The following MALRD1 variants were observed in gnomAD, a reference collection of about 807,000 sequenced individuals.
MALRD1 encodes MAM and LDL-receptor class A domain-containing protein 1.
In MALRD1, 247 loss-of-function variants were observed where a neutral mutation model predicts 242.1. The ratio of observed to expected loss-of-function variants is 1.02; its 90% confidence interval spans 0.92 to 1.13. The LOEUF is 1.13. Ranked by LOEUF, MALRD1 falls within the 50% of genes most tolerant of loss-of-function variation. The probability of loss-of-function intolerance (pLI) is 0.00; values close to 1 mark genes in which losing one functional copy is unlikely to be tolerated. For missense variants in MALRD1, 2,989 were observed against 2,533.1 expected (o/e 1.18, Z -3.86); for synonymous variants, 995 against 866.6 (o/e 1.15, Z -2.60).
intron 19 of MALRD1, among the ~76,000 whole-genome samples, chr10:19,263,085 A>G (rs369755633): frequency 1.1e-4 from 16 of 152,202 alleles, no homozygotes; most frequent in African/African-American, 3.6e-4. Flanking sequence ...TCATGCTGCA[A>G]TGAACATGGG....
In MALRD1 at chr10:19,488,622, G is replaced by C. The variant is rs75652211; in HGVS notation, c.5030-2895G>C. On this transcript the variant is annotated intron_variant, in intron 29 of 39. Coordinates refer to ENST00000454679, the MANE Select transcript of MALRD1 (RefSeq NM_001142308.3). ...CTGTGAATGCATGAAAAAACGAAGAGCAAGGGACAGATTTGTGAAACCTTC... is the reference window on the plus strand; with the variant it reads ...CTGTGAATGCATGAAAAAACGAAGACCAAGGGACAGATTTGTGAAACCTTC... 5.8e-4 allele frequency: 91 copies of C among 156,446 alleles called. 1 individual carries two copies. The highest frequency in any genetic ancestry group is 1.1e-3 in the Non-Finnish European group (75 of 70,474). 9.7% of individuals were successfully genotyped at this position (156,446 alleles called of 1,614,324 possible).
chr10:19,227,702 T>A (rs1302416507), intron 18 of MALRD1, among the ~76,000 whole-genome samples: 1 of 152,096 alleles, frequency 6.6e-6, no homozygotes, highest in Admixed American at 6.6e-5. Flanking sequence ...ATTTTAAATA[T>A]GTCTGATAAA....
At chr10:19,643,360 C>T (rs1052459770) in intron 36 of MALRD1, among the ~76,000 whole-genome samples, 11 of 152,050 alleles carry the variant, frequency 7.2e-5, no homozygotes, top group South Asian at 4.2e-4. Flanking sequence ...GCAGTAGAAT[C>T]GCTTGAACCT....
intron 29 of MALRD1, among the ~76,000 whole-genome samples, chr10:19,490,909 T>C (rs1022602419): frequency 6.6e-6 from 1 of 152,128 alleles, no homozygotes; most frequent in African/African-American, 2.4e-5. Context: ...TAATTATGTG[T>C]ATAAAAAAGG....
intron 32 of MALRD1, among the ~76,000 whole-genome samples, chr10:19,538,303 T>G (rs1834776590): frequency 6.6e-6 from 1 of 152,210 alleles, no homozygotes; most frequent in Non-Finnish European, 1.5e-5. Context: ...AATGTTCACA[T>G]GGGCATCAAT....
At position 19,697,317 on chromosome 10, in the gene MALRD1, C is replaced by G. The variant is rs1353281056; in HGVS notation, c.6314+4763C>G. Among the ~76,000 whole-genome samples, 7 of 152,222 alleles carry G rather than the reference C, an allele frequency of 4.6e-5. No homozygotes were observed. In the South Asian group the frequency reaches 1.2e-3, roughly 27 times the overall value. ...CAAACCACCAGGCAGGAAACTCTGACAGAGTTTTGCATCTCAGTCTTGAGG... is the reference window on the plus strand; with the variant it reads ...CAAACCACCAGGCAGGAAACTCTGAGAGAGTTTTGCATCTCAGTCTTGAGG... On this transcript the variant is annotated intron_variant, in intron 38 of 39. Coordinates refer to ENST00000454679, the MANE Select transcript of MALRD1 (RefSeq NM_001142308.3).
intron 28 of MALRD1, among the ~76,000 whole-genome samples, chr10:19,409,601 T>C (rs1381245316): frequency 6.6e-6 from 1 of 152,232 alleles, no homozygotes; most frequent in Non-Finnish European, 1.5e-5. Context: ...AAATGTTTTG[T>C]ATCTTGACTG....
At chr10:19,616,030 G>A in intron 36 of MALRD1, 107 bp downstream of exon 36, 2 of 732,640 alleles carry the variant, frequency 2.7e-6, no homozygotes, top group East Asian at 2.8e-5. Flanking sequence ...GGTTAGTAAG[G>A]TAAAAATAGT....
At chr10:19,118,395 G>A (rs781355307) in intron 5 of MALRD1, among the ~76,000 whole-genome samples, 1 of 152,142 alleles carries the variant, frequency 6.6e-6, no homozygotes, top group Non-Finnish European at 1.5e-5. Flanking sequence ...ATGAATGCAA[G>A]ATGTACATTG....
At chr10:19,258,446 A>T (rs1325224711) in intron 19 of MALRD1, among the ~76,000 whole-genome samples, 1 of 152,090 alleles carries the variant, frequency 6.6e-6, no homozygotes, top group Admixed American at 6.6e-5. Flanking sequence ...TGGCACTCAG[A>T]CTGAGAGCTC....
rs907654289 is a variant in MALRD1, at chr10:19,170,803, GTTTC to G, written c.1831-4400_1831-4397del. 2.8e-4 allele frequency among the ~76,000 whole-genome samples: 43 copies of G among 152,140 alleles called. 1 individual carries two copies. Among genetic ancestry groups the G allele is most frequent in the Admixed American group, 1.6e-3 (25 of 15,268 alleles). On this transcript the variant is annotated intron_variant, in intron 13 of 39. Transcript: ENST00000454679. ...AATTACTTCTATTCTCTAATCTTCTGTTTCTTTCACCTTAAAATAAGATGAAAAT... is the reference window on the plus strand; with the variant it reads ...AATTACTTCTATTCTCTAATCTTCTGTTTCACCTTAAAATAAGATGAAAAT...
At position 19,734,196 on chromosome 10, in the gene MALRD1, A is replaced by G; in HGVS notation, c.6430A>G (p.Thr2144Ala). The G allele has an allele frequency of 6.5e-7, 1 of 1,535,974 alleles. No homozygotes were observed. The highest frequency in any genetic ancestry group is 8.7e-7 in the Non-Finnish European group (1 of 1,146,802). ...CTTCTCAAACCCATTATATGGCACA[A>G]CATCAGGAAGCCTGGAGACCCTGTC... Reference protein sequence around the residue: ...YSFSNPLYGTTSGSLETLSHH... With the variant: ...YSFSNPLYGTASGSLETLSHH... The change falls in exon 40 of 40, where the codon ACA becomes GCA. Residue 2144 changes from threonine to alanine, a missense_variant. Coordinates refer to ENST00000454679, the MANE Select transcript of MALRD1 (RefSeq NM_001142308.3).
At chr10:19,569,130 A>C (rs1836391236) in intron 33 of MALRD1, among the ~76,000 whole-genome samples, 1 of 152,166 alleles carries the variant, frequency 6.6e-6, no homozygotes, top group Non-Finnish European at 1.5e-5. Flanking sequence ...ATATTCTGCC[A>C]TAATGGCTTT....
chr10:19,133,921 A>G lies in MALRD1; in HGVS notation c.1176A>G (p.Leu392=), dbSNP rs553325345. The change falls in exon 9 of 40, where the codon TTA becomes TTG. Residue 392 remains leucine (L), a synonymous_variant. Transcript: ENST00000454679. ...THSQWVKADV[L]IPEDLKTFKI... is the part of the protein sequence containing the mutation. ...GCCAATGGGTGAAAGCAGATGTGTT[A>G]ATACCAGAAGATCTGAAGACATTTA... The G allele has an allele frequency of 1.7e-5, 21 of 1,230,154 alleles. No individual in the cohort carries two copies. In the East Asian group the frequency reaches 6.3e-4, roughly 37 times the overall value. The allele number at this position is 1,230,154 out of a possible 1,614,324, so 76.2% of individuals were successfully genotyped here.
At chr10:19,474,853 G>A (rs1023438231) in intron 29 of MALRD1, among the ~76,000 whole-genome samples, 1 of 151,658 alleles carries the variant, frequency 6.6e-6, no homozygotes, top group Non-Finnish European at 1.5e-5. Context: ...TAGAACTAAG[G>A]GTGTAACAGG....
chr10:19,447,585 T>A (rs1324212791), intron 28 of MALRD1, among the ~76,000 whole-genome samples: 1 of 152,186 alleles, frequency 6.6e-6, no homozygotes, highest in Non-Finnish European at 1.5e-5. Flanking sequence ...TGGTATTTGT[T>A]GAAAATTCTT....
At chr10:19,589,079 A>G (rs1049070899) in intron 33 of MALRD1, among the ~76,000 whole-genome samples, 2 of 152,306 alleles carry the variant, frequency 1.3e-5, no homozygotes, top group East Asian at 3.9e-4. Flanking sequence ...ACTGAATATT[A>G]AAAGGGATTT....
chr10:19,589,540 C>G (rs949503600), intron 33 of MALRD1, among the ~76,000 whole-genome samples: 20 of 152,140 alleles, frequency 1.3e-4, no homozygotes, highest in Non-Finnish European at 2.6e-4. Context: ...ATAAACTAAG[C>G]TTTCATATAA....
At chr10:19,609,526 A>G (rs997851733) in intron 35 of MALRD1, among the ~76,000 whole-genome samples, 1 of 151,970 alleles carries the variant, frequency 6.6e-6, no homozygotes, top group Non-Finnish European at 1.5e-5. Flanking sequence ...TGTAAACCCA[A>G]TCCTTACAGC....
Sources: allele counts gnomAD v4.1 joint callset (sites outside exome capture counted in the v4.1 genomes callset), GRCh38; gene constraint gnomAD v4.1.1; transcripts MANE v1.5; gene names NCBI Gene and HGNC (gene_info 2026-07-23, HGNC 2026-07-21).